ANKRD13D: variants seen among roughly 807,000 people sequenced by gnomAD.
The protein encoded by ANKRD13D is ankyrin repeat domain-containing protein 13D.
Under a neutral mutation model 68.8 loss-of-function variants are expected in ANKRD13D, and 24 were observed. The ratio of observed to expected loss-of-function variants is 0.35; its 90% CI spans 0.25 to 0.49. ANKRD13D has a LOEUF of 0.49. Ranked by LOEUF, ANKRD13D falls within the 20% of genes least tolerant of loss-of-function variation. ANKRD13D has a pLI of 0.99. For synonymous variants in ANKRD13D, 331 were observed against 336.1 expected (o/e 0.98, Z 0.16); for missense variants, 735 against 832.1 (o/e 0.88, Z 1.44).
At position 67,297,351 on chromosome 11, in the gene ANKRD13D, C is replaced by T. The variant is rs191652461; in HGVS notation, c.732-1707C>T. On this transcript the variant is annotated intron_variant, in intron 6 of 14. Transcript: ENST00000511455. The stretch of plus-strand genomic sequence containing the variant: ...CCTCCTGAGTAGCTGGGAACACAGG[C>T]GCCAGCTAATTTTTTCTGTTTTTAG... Among the ~76,000 whole-genome samples the T allele has an allele frequency of 1.1e-4, 17 of 151,776 alleles. No homozygotes were observed. The East Asian group carries it at 1.6e-3, about 14-fold the overall frequency.
Position 67,289,471 on chromosome 11 carries a change from C to G in ANKRD13D, c.11C>G (p.Pro4Arg), listed in dbSNP as rs1007976621. ...GCGCTGAGGCCCAGCATGGCCGGCC[C>G]GGGCCCCACCTTCCCGCTGCACCGG... MAGPGPTFPLHRLV... is the reference protein window; with the variant it reads MAGRGPTFPLHRLV... The change falls in exon 1 of 15, where the codon CCG (proline) becomes CGG (arginine). Residue 4 changes from proline (P) to arginine (R), a missense_variant. Coordinates refer to ENST00000511455, the MANE Select transcript of ANKRD13D (RefSeq NM_207354.3). 2 of 1,502,460 alleles carry G rather than the reference C, an allele frequency of 1.3e-6. No individual in the cohort carries two copies. Among genetic ancestry groups the G allele is most frequent in the African/African-American group, 2.9e-5 (2 of 68,986 alleles). 93.1% of individuals were successfully genotyped at this position (1,502,460 alleles called of 1,614,324 possible).
chr11:67,294,222 C>T (rs150199846), intron 6 of ANKRD13D, among the ~76,000 whole-genome samples: 30 of 152,270 alleles, frequency 2.0e-4, no homozygotes, highest in African/African-American at 6.5e-4. Context: ...TTGGGACCCT[C>T]GCATTTTATA....
chr11:67,301,530 T>C lies in ANKRD13D; in HGVS notation c.1391T>C (p.Val464Ala). The C allele has an allele frequency of 6.2e-7, 1 of 1,613,100 alleles. No individual in the cohort carries two copies. Among genetic ancestry groups the C allele is most frequent in the Non-Finnish European group, 8.5e-7 (1 of 1,179,976 alleles). Residue 464 changes from valine (V) to alanine (A), a missense_variant, in exon 13 of 15, where the codon GTG becomes GCG. Physicochemically the swap from Val to Ala is moderately conservative, Grantham distance 64 (BLOSUM62 0). Coordinates refer to ENST00000511455, the MANE Select transcript of ANKRD13D (RefSeq NM_207354.3). This position sits in a 1 kb window ranked among gnomAD's most constrained non-coding sequence, Gnocchi z 4.5. ...GAGGTGGACCCCACCGTGTTTGAAG[T>C]GCCCAACGGGTACAGCGTGCTGGGC... The part of the protein sequence containing the change: ...PCEVDPTVFE[V>A]PNGYSVLGME...
At chr11:67,289,874 C>G in intron 1 of ANKRD13D, 1 of 1,433,142 alleles carries the variant, frequency 7.0e-7, no homozygotes, top group Non-Finnish European at 9.1e-7. Flanking sequence ...TGACCAGGCC[C>G]CGCCGCCAGA....
Position 67,301,248 on chromosome 11 carries a change from C to T in ANKRD13D, c.1232-34C>T. Reference sequence around the variant, plus strand: ...AGGGGCCGGAGGCACAGGTGGCTCTCCGCCAGGGCTCAGGCGTGGCTGTCT... The same window carrying T: ...AGGGGCCGGAGGCACAGGTGGCTCTTCGCCAGGGCTCAGGCGTGGCTGTCT... On this transcript the variant is annotated intron_variant, in intron 11 of 14. Transcript: ENST00000511455. The surrounding 1 kb of genome is among the most constrained non-coding windows in gnomAD (Gnocchi z 4.5). 6.3e-7 allele frequency: 1 copy of T among 1,598,640 alleles called. No individual in the cohort carries two copies. The highest frequency in any genetic ancestry group is 1.1e-5 in the South Asian group (1 of 88,514).
intron 6 of ANKRD13D, 95 bp from the exon 7 acceptor site, chr11:67,298,963 C>T (rs990850655): frequency 1.8e-5 from 25 of 1,376,418 alleles, no homozygotes; most frequent in Non-Finnish European, 2.5e-5. Context: ...AGTTGGGCAC[C>T]CCGGGCAGGC....
Position 67,291,588 on chromosome 11 carries a change from C to T in ANKRD13D, c.398-15C>T. 1.2e-6 allele frequency: 2 copies of T among 1,613,938 alleles called. No individual in the cohort carries two copies. The highest frequency in any genetic ancestry group is 1.7e-6 in the Non-Finnish European group (2 of 1,180,026). ...CCTTTGGAAAGACCCCCAGTGACCC[C>T]TGTGCACCCTGCAGTGCCCCTTGTG... On this transcript the variant is annotated splice_polypyrimidine_tract_variant and intron_variant, in intron 4 of 14. Transcript: ENST00000511455.
In ANKRD13D at chr11:67,289,356, G is replaced by T; in HGVS notation, c.-105G>T. 1 of 793,376 alleles carries T rather than the reference G, an allele frequency of 1.3e-6. No homozygotes were observed. The highest frequency in any genetic ancestry group is 1.6e-6 in the Non-Finnish European group (1 of 629,002). 49.1% of individuals were successfully genotyped at this position (793,376 alleles called of 1,614,324 possible). ...CCGCCGCCGCCGCCGCTACTGCTGC[G>T]GGGGCCGCGGGGGGCGCAGCTGGGG... On this transcript the variant is annotated 5_prime_UTR_variant, in exon 1 of 15. Transcript: ENST00000511455.
chr11:67,298,714 A>G (rs1188730219), intron 6 of ANKRD13D: 3 of 248,184 alleles, frequency 1.2e-5, no homozygotes, highest in Non-Finnish European at 2.4e-5. Flanking sequence ...TTTTTTAAAA[A>G]TGTTTCCTAG....
At chr11:67,289,682 A>T in intron 1 of ANKRD13D, 132 bp downstream of exon 1, 1 of 1,201,274 alleles carries the variant, frequency 8.3e-7, no homozygotes, top group Non-Finnish European at 1.1e-6. Context: ...CCTCCCCTGC[A>T]CGATCCCAAG....
chr11:67,299,625 C>T lies in ANKRD13D; in HGVS notation c.880+14C>T, dbSNP rs1279439057. ...CGAGGAGCAAAGGTAAACCCAGGTGCGCCTGCCTGCTGCCCGGTCACACCG... is the reference window on the plus strand; with the variant it reads ...CGAGGAGCAAAGGTAAACCCAGGTGTGCCTGCCTGCTGCCCGGTCACACCG... On this transcript the variant is annotated intron_variant, in intron 8 of 14. Transcript: ENST00000511455. This position sits in a 1 kb window ranked among gnomAD's most constrained non-coding sequence, Gnocchi z 6.2. 17 of 1,550,292 alleles carry T rather than the reference C, an allele frequency of 1.1e-5. No homozygotes were observed. The highest frequency in any genetic ancestry group is 1.4e-5 in the Non-Finnish European group (16 of 1,146,734).
chr11:67,296,742 A>G (rs936056893), intron 6 of ANKRD13D, among the ~76,000 whole-genome samples: 20 of 151,702 alleles, frequency 1.3e-4, no homozygotes, highest in African/African-American at 3.6e-4. Flanking sequence ...TGATTCTTCA[A>G]CCTCCCAAGT....
chr11:67,293,229 G>A (rs78743307), intron 6 of ANKRD13D, among the ~76,000 whole-genome samples: 6,138 of 152,246 alleles, frequency 0.04, 474 homozygotes, highest in Admixed American at 0.18. Context: ...TTAATTGACT[G>A]TTTACCAAAC....
In ANKRD13D at chr11:67,299,463, C is replaced by T. The variant is rs878884575; in HGVS notation, c.799-67C>T. The T allele has an allele frequency of 7.5e-7, 1 of 1,342,102 alleles. No homozygotes were observed. Among genetic ancestry groups the T allele is most frequent in the Non-Finnish European group, 1.0e-6 (1 of 964,112 alleles). The allele number at this position is 1,342,102 out of a possible 1,614,324, so 83.1% of individuals were successfully genotyped here. On this transcript the variant is annotated intron_variant, in intron 7 of 14. Coordinates refer to ENST00000511455, the MANE Select transcript of ANKRD13D (RefSeq NM_207354.3). This position sits in a 1 kb window ranked among gnomAD's most constrained non-coding sequence, Gnocchi z 6.2. Reference sequence around the variant, plus strand: ...CTGGGACAGGAGGACCTGGGTTCTGCACTGGTGAGGCTGAGTGTGGGGAGC... The same window carrying T: ...CTGGGACAGGAGGACCTGGGTTCTGTACTGGTGAGGCTGAGTGTGGGGAGC...
At chr11:67,292,267 C>T (rs1053889158) in intron 6 of ANKRD13D, 87 bp downstream of exon 6, 47 of 1,410,170 alleles carry the variant, frequency 3.3e-5, no homozygotes, top group Non-Finnish European at 4.5e-5. Flanking sequence ...CCTTGAAGAT[C>T]CTGGTTCAGG....
At chr11:67,293,833 A>T (rs1372671770) in intron 6 of ANKRD13D, among the ~76,000 whole-genome samples, 1 of 152,164 alleles carries the variant, frequency 6.6e-6, no homozygotes, top group East Asian at 1.9e-4. Flanking sequence ...CCCATTTAAA[A>T]AATTGGGTCA....
At chr11:67,291,943 G>A (rs369287312) in intron 5 of ANKRD13D, 48 bp from the exon 6 acceptor site, 38 of 1,537,482 alleles carry the variant, frequency 2.5e-5, no homozygotes, top group South Asian at 9.8e-5. Flanking sequence ...CACTGCTGGC[G>A]CCCAGCACTG....
chr11:67,296,693 G>A (rs901028549), intron 6 of ANKRD13D, among the ~76,000 whole-genome samples: 1 of 152,204 alleles, frequency 6.6e-6, no homozygotes, highest in Non-Finnish European at 1.5e-5. Flanking sequence ...GCAGTGGCAT[G>A]ATAAGAGCTC....
rs373465801 is a variant in ANKRD13D, at chr11:67,291,982, G to A, written c.542-9G>A. 1.3e-6 allele frequency: 2 copies of A among 1,570,502 alleles called. No homozygotes were observed. The highest frequency in any genetic ancestry group is 1.1e-5 in the South Asian group (1 of 87,166). On this transcript the variant is annotated splice_polypyrimidine_tract_variant and intron_variant, in intron 5 of 14. Transcript: ENST00000511455. ...TGCGCCCCCTCTGTCCACCCCTACC[G>A]GCCGGCAGAGGCAGGAGCCCTGGTG...
Sources: gnomAD v4.1 joint callset for allele counts (sites outside exome capture counted in the v4.1 genomes callset) on GRCh38, gnomAD v4.1.1 for gene constraint, Gnocchi (gnomAD v3.1) non-coding constraint, MANE v1.5 for transcripts, NCBI Gene and HGNC (gene_info 2026-07-23, HGNC 2026-07-21) for gene names.